ITGBL1: variants seen among roughly 807,000 people sequenced by gnomAD.
ITGBL1 encodes the protein integrin subunit beta like 1.
A neutral mutation model predicts 68.5 loss-of-function variants in ITGBL1; 51 were observed. The ratio of observed to expected loss-of-function variants is 0.74; its 90% CI spans 0.59 to 0.94. The LOEUF (loss-of-function observed/expected upper bound fraction) is 0.94, where lower values mean the gene tolerates loss of function less well. ITGBL1 is among the 40% of genes least tolerant of loss of function. The probability of loss-of-function intolerance (pLI) is 0.00; values close to 1 mark genes in which losing one functional copy is unlikely to be tolerated. For missense variants in ITGBL1, 649 were observed against 647.4 expected, an observed-to-expected ratio of 1.00 and a Z score of -0.03; for synonymous variants, 209 against 227.3, an observed-to-expected ratio of 0.92 and a Z score of 0.72.
At chr13:101,562,646 C>T (rs1010634517) in intron 2 of ITGBL1, among the ~76,000 whole-genome samples, 12 of 151,818 alleles carry the variant, frequency 7.9e-5, no homozygotes, top group Admixed American at 2.6e-4. Context: ...TATATATACA[C>T]ATAAAGCATT....
intron 2 of ITGBL1, among the ~76,000 whole-genome samples, chr13:101,503,019 A>G (rs1466436014): frequency 6.6e-6 from 1 of 152,222 alleles, no homozygotes; most frequent in East Asian, 1.9e-4. Context: ...TGTGTACCCA[A>G]TAAAATGGCA....
Position 101,647,918 on chromosome 13 carries a change from G to C in ITGBL1, c.1016-44667G>C, listed in dbSNP as rs73556082. On this transcript the variant is annotated intron_variant, in intron 7 of 10. Coordinates refer to ENST00000376180, the MANE Select transcript of ITGBL1 (RefSeq NM_004791.3). ...CAAATTGATTAGAACTGGTGGGAGC[G>C]CTGGTGTGCTTGGAAAACAAATACT... 8.1e-4 allele frequency among the ~76,000 whole-genome samples: 124 copies of C among 152,240 alleles called. 1 individual carries two copies. Among genetic ancestry groups the C allele is most frequent in the African/African-American group, 2.9e-3 (122 of 41,552 alleles).
At chr13:101,577,625 G>T (rs915600620) in intron 4 of ITGBL1, among the ~76,000 whole-genome samples, 2 of 152,060 alleles carry the variant, frequency 1.3e-5, no homozygotes, top group Non-Finnish European at 2.9e-5. Context: ...TACTTATGTT[G>T]CACCTTCTGT....
Position 101,714,438 on chromosome 13 carries a change from G to T in ITGBL1, c.1280G>T (p.Gly427Val), listed in dbSNP as rs762442232. Residue 427 changes from glycine to valine, a missense_variant and splice_region_variant, in exon 10 of 11, where the codon GGT becomes GTT. Coordinates refer to ENST00000376180, the MANE Select transcript of ITGBL1 (RefSeq NM_004791.3). Reference protein sequence around the residue: ...SADGILCSGKGSCHCGKCICS... With the variant: ...SADGILCSGKVSCHCGKCICS... ...TGAGTAATAGCCTTTGTAATTTCAG[G>T]TTCTTGTCATTGTGGGAAGTGCATT... 2.5e-6 allele frequency: 4 copies of T among 1,572,392 alleles called. No homozygotes were observed. The East Asian group carries it at 9.0e-5, about 35-fold the overall frequency.
intron 2 of ITGBL1, among the ~76,000 whole-genome samples, chr13:101,530,080 T>C (rs1296926336): frequency 1.3e-5 from 2 of 152,102 alleles, no homozygotes. Flanking sequence ...ACAACCAAAA[T>C]GCCTAGAGAG....
At chr13:101,544,457 GC>G (rs538451607) in intron 2 of ITGBL1, among the ~76,000 whole-genome samples, 161 of 152,290 alleles carry the variant, frequency 1.1e-3, no homozygotes, top group African/African-American at 3.7e-3. Context: ...GTGTCAGTCT[GC>G]CCCTACTAGG....
intron 7 of ITGBL1, among the ~76,000 whole-genome samples, chr13:101,642,067 G>A (rs1051445625): frequency 6.6e-6 from 1 of 151,534 alleles, no homozygotes; most frequent in Non-Finnish European, 1.5e-5. Context: ...TAGTCCTTTG[G>A]GTATATACCC....
intron 2 of ITGBL1, among the ~76,000 whole-genome samples, chr13:101,502,818 G>C (rs2048964759): frequency 6.6e-6 from 1 of 151,944 alleles, no homozygotes. Context: ...CCTCGTTCCA[G>C]GAAGAAAAAA....
chr13:101,577,791 G>A (rs1191350238), intron 4 of ITGBL1, among the ~76,000 whole-genome samples: 2 of 152,014 alleles, frequency 1.3e-5, no homozygotes, highest in Non-Finnish European at 2.9e-5. Context: ...ATATCACTAG[G>A]ATGTGATTTG....
intron 3 of ITGBL1, among the ~76,000 whole-genome samples, chr13:101,574,235 T>G (rs986828528): frequency 8.4e-6 from 1 of 118,830 alleles, no homozygotes; most frequent in African/African-American, 3.1e-5. Flanking sequence ...TTTATTCATT[T>G]CATGCCACTT....
intron 7 of ITGBL1, among the ~76,000 whole-genome samples, chr13:101,644,088 TC>T (rs2032478565): frequency 6.6e-6 from 1 of 152,154 alleles, no homozygotes; most frequent in Non-Finnish European, 1.5e-5. Context: ...GTAGCTGCTG[TC>T]TTTGAAGGAT....
At position 101,619,775 on chromosome 13, in the gene ITGBL1, T is replaced by A. The variant is rs563982839; in HGVS notation, c.1015+21476T>A. 3.9e-5 allele frequency among the ~76,000 whole-genome samples: 6 copies of A among 152,292 alleles called. No individual in the cohort carries two copies. The South Asian group carries it at 1.2e-3, about 32-fold the overall frequency. On this transcript the variant is annotated intron_variant, in intron 7 of 10. Transcript: ENST00000376180. ...TTTTGAAAAGCTTTTTTACAAAAAA[T>A]CTGAAAAAGAATTATGTATAAAAGA...
At chr13:101,558,216 A>G (rs1380103832) in intron 2 of ITGBL1, among the ~76,000 whole-genome samples, 2 of 152,138 alleles carry the variant, frequency 1.3e-5, no homozygotes, top group African/African-American at 4.8e-5. Flanking sequence ...GATACAGCAG[A>G]AAATCAGATA....
At chr13:101,680,308 CGAA>C (rs1470904770) in intron 7 of ITGBL1, among the ~76,000 whole-genome samples, 2 of 151,934 alleles carry the variant, frequency 1.3e-5, no homozygotes, top group African/African-American at 4.8e-5. Context: ...TTATTTTAGG[CGAA>C]GAAGGACTAT....
intron 7 of ITGBL1, among the ~76,000 whole-genome samples, chr13:101,629,674 T>G (rs1354659516): frequency 6.6e-6 from 1 of 152,168 alleles, no homozygotes; most frequent in Non-Finnish European, 1.5e-5. Flanking sequence ...TTTATAGTGC[T>G]TCTGTTTTAA....
At chr13:101,704,852 CTTTG>C (rs745836890) in intron 8 of ITGBL1, among the ~76,000 whole-genome samples, 7 of 151,718 alleles carry the variant, frequency 4.6e-5, no homozygotes, top group African/African-American at 9.7e-5. Flanking sequence ...TTGTTTGTTT[CTTTG>C]TTTGTTTTTA....
chr13:101,719,354 G>A (rs1432660746), downstream of ITGBL1: 2 of 151,966 alleles, frequency 1.3e-5, no homozygotes, highest in Non-Finnish European at 1.5e-5. Flanking sequence ...GAACTGGAGC[G>A]GGAGTCCTTT....
chr13:101,641,531 A>G (rs1440512491), intron 7 of ITGBL1, among the ~76,000 whole-genome samples: 1 of 145,884 alleles, frequency 6.9e-6, no homozygotes, highest in African/African-American at 2.6e-5. Context: ...TTTTTATTTT[A>G]TTTTATTTTA....
intron 2 of ITGBL1, among the ~76,000 whole-genome samples, chr13:101,512,114 A>G (rs1299678235): frequency 6.6e-6 from 1 of 151,896 alleles, no homozygotes; most frequent in Non-Finnish European, 1.5e-5. Flanking sequence ...TACTCGTCCT[A>G]TTTTTTCTAT....
Sources: allele counts gnomAD v4.1 joint callset (sites outside exome capture counted in the v4.1 genomes callset), GRCh38; gene constraint gnomAD v4.1.1; transcripts MANE v1.5; gene names NCBI Gene and HGNC (gene_info 2026-07-23, HGNC 2026-07-21).